The following ANKRD45 variants were observed in gnomAD, a reference collection of about 807,000 sequenced individuals.
ANKRD45 encodes the protein ankyrin repeat domain 45, also known as ankyrin repeat domain-containing protein 45.
A neutral mutation model predicts 28.1 loss-of-function variants in ANKRD45; 21 were observed. That is an observed-to-expected ratio of 0.75 (90% CI 0.53 to 1.08). The LOEUF is 1.08. Among genes scored for constraint, ANKRD45 ranks in the 50% least tolerant of loss-of-function variants. The pLI is 0.00. For synonymous variants in ANKRD45, 86 were observed against 103.9 expected, an observed-to-expected ratio of 0.83 and a Z score of 1.05; for missense variants, 261 against 308.7, an observed-to-expected ratio of 0.85 and a Z score of 1.16.
the ANKRD45 span, among the ~76,000 whole-genome samples, chr1:173,714,288 T>C: frequency 6.6e-6 from 1 of 152,162 alleles, no homozygotes; most frequent in Non-Finnish European, 1.5e-5. Context: ...AAAGATAATT[T>C]TAAAAATATA....
At chr1:173,696,711 A>T in the ANKRD45 span, among the ~76,000 whole-genome samples, 2 of 152,028 alleles carry the variant, frequency 1.3e-5, no homozygotes, top group Non-Finnish European at 2.9e-5. Context: ...AATGTGATGC[A>T]TCCAGCTTTG....
chr1:173,659,865 A>G (rs1205233348), intron 1 of ANKRD45, among the ~76,000 whole-genome samples: 4 of 152,242 alleles, frequency 2.6e-5, no homozygotes, highest in African/African-American at 7.2e-5. Context: ...AACAGAATTC[A>G]TTCAGTCAGT....
intron 1 of ANKRD45, 139 bp downstream of exon 1, chr1:173,669,678 C>G: frequency 2.8e-6 from 1 of 352,500 alleles, no homozygotes; most frequent in Non-Finnish European, 5.9e-6. Context: ...TGGACAGAAG[C>G]AGTGTGAGGA....
At position 173,624,904 on chromosome 1, in the gene ANKRD45, G is replaced by A. The variant is rs143798510; in HGVS notation, c.613C>T (p.Arg205Cys). ...EDKNTILSACRAKNEWLETHT... is the reference protein window; with the variant it reads ...EDKNTILSACCAKNEWLETHT... ...GTTTCCAACCACTCATTTTTTGCAC[G>A]GCATGCACTGAGGATGGTATTCTAG... Residue 205 changes from arginine (R) to cysteine (C), a missense_variant, in exon 5 of 6, where the codon CGT becomes TGT. Transcript: ENST00000333279. 1.9e-4 allele frequency: 314 copies of A among 1,613,102 alleles called. 1 individual carries two copies. Among genetic ancestry groups the A allele is most frequent in the Admixed American group, 1.2e-3 (69 of 59,938 alleles).
chr1:173,667,788 G>T (rs1356104490), intron 1 of ANKRD45: 4 of 409,828 alleles, frequency 9.8e-6, no homozygotes, highest in Non-Finnish European at 9.4e-6. Flanking sequence ...ATCTGAAAAA[G>T]CTATTAAAAT....
At chr1:173,708,554 T>C in the ANKRD45 span, among the ~76,000 whole-genome samples, 1 of 152,136 alleles carries the variant, frequency 6.6e-6, no homozygotes, top group Non-Finnish European at 1.5e-5. Flanking sequence ...TCTTTGTAAA[T>C]TACCCAGTCT....
chr1:173,668,812 C>T (rs1670129742), intron 1 of ANKRD45, among the ~76,000 whole-genome samples: 1 of 152,092 alleles, frequency 6.6e-6, no homozygotes, highest in South Asian at 2.1e-4. Context: ...AAAATTGTAA[C>T]CTTGCTACAT....
chr1:173,689,099 C>T, the ANKRD45 span, among the ~76,000 whole-genome samples: 3 of 152,210 alleles, frequency 2.0e-5, no homozygotes, highest in African/African-American at 7.2e-5. Flanking sequence ...GACCCCCCTA[C>T]TCTTCCTCTA....
At chr1:173,660,236 C>G (rs1310832847) in intron 1 of ANKRD45, among the ~76,000 whole-genome samples, 1 of 152,024 alleles carries the variant, frequency 6.6e-6, no homozygotes, top group African/African-American at 2.4e-5. Flanking sequence ...TTCAGTCTGT[C>G]AGAACACAGT....
chr1:173,644,366 T>G (rs1668832058), intron 3 of ANKRD45, among the ~76,000 whole-genome samples: 3 of 152,240 alleles, frequency 2.0e-5, no homozygotes, highest in Admixed American at 2.0e-4. Context: ...CTGAATTAAA[T>G]AAATGTTAAA....
intron 2 of ANKRD45, among the ~76,000 whole-genome samples, chr1:173,648,711 T>A (rs920714123): frequency 2.6e-5 from 4 of 152,156 alleles, no homozygotes; most frequent in African/African-American, 9.7e-5. Flanking sequence ...TCCCACACAT[T>A]GGAAAATACC....
chr1:173,692,240 A>G, the ANKRD45 span, among the ~76,000 whole-genome samples: 4 of 152,244 alleles, frequency 2.6e-5, no homozygotes, highest in African/African-American at 7.2e-5. Context: ...TTTAGAATTC[A>G]TATCTAACAG....
chr1:173,620,156 T>C (rs552454250), intron 5 of ANKRD45, among the ~76,000 whole-genome samples: 43 of 152,274 alleles, frequency 2.8e-4, no homozygotes, highest in African/African-American at 1.0e-3. Flanking sequence ...ATATACGTTC[T>C]TCTCATCACC....
the ANKRD45 span, among the ~76,000 whole-genome samples, chr1:173,681,105 G>A: frequency 2.6e-5 from 4 of 151,768 alleles, no homozygotes; most frequent in East Asian, 1.9e-4. Flanking sequence ...CATTCTGCAC[G>A]TGTACCCCAG....
intron 3 of ANKRD45, among the ~76,000 whole-genome samples, chr1:173,642,603 T>C (rs1381678539): frequency 6.6e-6 from 1 of 152,238 alleles, no homozygotes; most frequent in Non-Finnish European, 1.5e-5. Context: ...GAAATCAATA[T>C]ACTCTGTTCT....
the ANKRD45 span, among the ~76,000 whole-genome samples, chr1:173,690,528 G>C: frequency 6.6e-6 from 1 of 152,136 alleles, no homozygotes; most frequent in Admixed American, 6.5e-5. Context: ...AGTTCTTCTT[G>C]AGATACTGGA....
At chr1:173,666,503 T>A (rs1670023826) in intron 1 of ANKRD45, among the ~76,000 whole-genome samples, 1 of 152,192 alleles carries the variant, frequency 6.6e-6, no homozygotes, top group Non-Finnish European at 1.5e-5. Context: ...ACACACATCT[T>A]CCCATATATG....
At chr1:173,631,478 C>A (rs186626136) in intron 3 of ANKRD45, among the ~76,000 whole-genome samples, 8 of 152,162 alleles carry the variant, frequency 5.3e-5, no homozygotes, top group African/African-American at 1.9e-4. Flanking sequence ...ACACTACAGA[C>A]CAAATGGACC....
the ANKRD45 span, among the ~76,000 whole-genome samples, chr1:173,682,199 G>C: frequency 6.6e-6 from 1 of 152,040 alleles, no homozygotes; most frequent in African/African-American, 2.4e-5. Context: ...ACTGAATCCT[G>C]GGTTTCCAAA....
Sources: allele counts gnomAD v4.1 joint callset (sites outside exome capture counted in the v4.1 genomes callset), GRCh38; gene constraint gnomAD v4.1.1; transcripts MANE v1.5; gene names NCBI Gene and HGNC (gene_info 2026-07-23, HGNC 2026-07-21).